Variants in FBXL14 observed in about 807,000 individuals in gnomAD.
The protein encoded by FBXL14 is F-box/LRR-repeat protein 14.
Under a neutral mutation model 24.5 loss-of-function variants are expected in FBXL14, and 11 were observed. That is an observed-to-expected ratio of 0.45 (90% CI 0.28 to 0.74). FBXL14 has a LOEUF of 0.74. Among genes scored for constraint, FBXL14 ranks in the 30% least tolerant of loss-of-function variants. FBXL14 has a pLI of 0.12. For synonymous variants in FBXL14, 294 were observed against 240.4 expected, an observed-to-expected ratio of 1.22 and a Z score of -2.06; for missense variants, 384 against 545.6, an observed-to-expected ratio of 0.70 and a Z score of 2.95.
At chr12:1,581,620 C>T (rs1656128396) in intron 1 of FBXL14, among the ~76,000 whole-genome samples, 1 of 152,190 alleles carries the variant, frequency 6.6e-6, no homozygotes, top group African/African-American at 2.4e-5. Flanking sequence ...ATGAAAACAA[C>T]GTTGGTCCTG....
intron 1 of FBXL14, among the ~76,000 whole-genome samples, chr12:1,576,899 ATTAG>A (rs897933828): frequency 2.0e-5 from 3 of 152,214 alleles, no homozygotes; most frequent in African/African-American, 4.8e-5. Context: ...CATTTTAACT[ATTAG>A]TTAGTAATTA....
At position 1,567,602 on chromosome 12, in the gene FBXL14, C is replaced by T. The variant is rs1340622360; in HGVS notation, c.1195-792G>A. Among the ~76,000 whole-genome samples, 1 of 152,082 alleles carries T rather than the reference C, an allele frequency of 6.6e-6. No individual in the cohort carries two copies. The highest frequency in any genetic ancestry group is 1.5e-5 in the Non-Finnish European group (1 of 68,034). On this transcript the variant is annotated intron_variant, in intron 1 of 1. Transcript: ENST00000339235. The surrounding 1 kb of genome is among the most constrained non-coding windows in gnomAD (Gnocchi z 4.8). ...CAGCAGGGATGCTGGAATTACCAGG[C>T]GGGAAATTGAAAGCAGCTCTGATTA...
chr12:1,587,765 G>C (rs918479723), intron 1 of FBXL14, among the ~76,000 whole-genome samples: 2 of 152,126 alleles, frequency 1.3e-5, no homozygotes, highest in African/African-American at 2.4e-5. Context: ...AGTTAACCAA[G>C]TGCATTGACA....
At position 1,579,471 on chromosome 12, in the gene FBXL14, C is replaced by G. The variant is rs2094462073; in HGVS notation, c.1195-12661G>C. The stretch of plus-strand genomic sequence containing the variant: ...GTCTCTACTAAAACACAAAAATTAG[C>G]CGGGCATGATGGCGCACACCTGTAA... On this transcript the variant is annotated intron_variant, in intron 1 of 1. Coordinates refer to ENST00000339235, the MANE Select transcript of FBXL14 (RefSeq NM_152441.3). This position sits in a 1 kb window ranked among gnomAD's most constrained non-coding sequence, Gnocchi z 4.3. 6.6e-6 allele frequency among the ~76,000 whole-genome samples: 1 copy of G among 151,936 alleles called. No homozygotes were observed. Among genetic ancestry groups the G allele is most frequent in the African/African-American group, 2.4e-5 (1 of 41,326 alleles).
intron 1 of FBXL14, among the ~76,000 whole-genome samples, chr12:1,587,889 C>T (rs906210621): frequency 2.0e-5 from 3 of 152,198 alleles, no homozygotes; most frequent in African/African-American, 7.2e-5. Flanking sequence ...AGCCTCACCC[C>T]TCTGACTCCT....
intron 1 of FBXL14, among the ~76,000 whole-genome samples, chr12:1,592,121 A>C (rs1169856244): frequency 6.6e-6 from 1 of 151,022 alleles, no homozygotes; most frequent in Non-Finnish European, 1.5e-5. Context: ...GTCTCAAAAT[A>C]TCTCTCTTGT....
chr12:1,577,778 A>G (rs1408606143), intron 1 of FBXL14, among the ~76,000 whole-genome samples: 1 of 152,272 alleles, frequency 6.6e-6, no homozygotes, highest in Non-Finnish European at 1.5e-5. Flanking sequence ...ACAGGTAAGT[A>G]TGCCCCAAAA....
chr12:1,574,868 G>C (rs1212943282), intron 1 of FBXL14: 1 of 151,440 alleles, frequency 6.6e-6, no homozygotes, highest in East Asian at 1.9e-4. Flanking sequence ...CTATTGGAAA[G>C]GATTTGGTAC....
rs2094436055 is a variant in FBXL14 at position 1,566,247 on chromosome 12, C to T, written c.*501G>A. 1 of 152,472 alleles carries T rather than the reference C, an allele frequency of 6.6e-6. No individual in the cohort carries two copies. Among genetic ancestry groups the T allele is most frequent in the Admixed American group, 6.6e-5 (1 of 15,260 alleles). 9.4% of individuals were successfully genotyped at this position (152,472 alleles called of 1,614,324 possible). On this transcript the variant is annotated 3_prime_UTR_variant, in exon 2 of 2. Coordinates refer to ENST00000339235, the MANE Select transcript of FBXL14 (RefSeq NM_152441.3). The stretch of plus-strand genomic sequence containing the variant: ...TAGGCAGGTCATCCAGATGTATTTT[C>T]TTTGGGGAGTTGTGAATTCCTTGTG...
chr12:1,577,252 T>C (rs2094457697), intron 1 of FBXL14, among the ~76,000 whole-genome samples: 1 of 152,212 alleles, frequency 6.6e-6, no homozygotes, highest in African/African-American at 2.4e-5. Flanking sequence ...AAGAGTCTCC[T>C]AGCCGCGCTG....
intron 1 of FBXL14, among the ~76,000 whole-genome samples, chr12:1,582,963 T>C (rs2094469563): frequency 6.6e-6 from 1 of 152,190 alleles, no homozygotes; most frequent in African/African-American, 2.4e-5. Flanking sequence ...TAAGTTCTGC[T>C]ACCTTGTCCT....
chr12:1,583,988 T>G (rs541670481), intron 1 of FBXL14, among the ~76,000 whole-genome samples: 3 of 152,128 alleles, frequency 2.0e-5, no homozygotes, highest in Non-Finnish European at 4.4e-5. Context: ...CAATAACAGT[T>G]TTCCAGCCCT....
intron 1 of FBXL14, among the ~76,000 whole-genome samples, chr12:1,581,530 C>T (rs1318239390): frequency 6.6e-6 from 1 of 152,180 alleles, no homozygotes; most frequent in East Asian, 1.9e-4. Context: ...AATGTCGGAG[C>T]CGGCCTGTCC....
At position 1,566,288 on chromosome 12, in the gene FBXL14, A is replaced by G. The variant is rs977437456; in HGVS notation, c.*460T>C. On this transcript the variant is annotated 3_prime_UTR_variant, in exon 2 of 2. Transcript: ENST00000339235. Reference sequence around the variant, plus strand: ...ATTCCTTGTGTGTCCAGCTATCACTATGTAATGATATTTTACGTTCTCAGT... The same window carrying G: ...ATTCCTTGTGTGTCCAGCTATCACTGTGTAATGATATTTTACGTTCTCAGT... 1.3e-5 allele frequency: 2 copies of G among 152,520 alleles called. No individual in the cohort carries two copies. Among genetic ancestry groups the G allele is most frequent in the African/African-American group, 2.4e-5 (1 of 41,452 alleles). The allele number at this position is 152,520 out of a possible 1,614,324, so 9.4% of individuals were successfully genotyped here. A position where few individuals can be genotyped will look rare whatever the true frequency, so the allele number is the denominator to read the frequency against.
intron 1 of FBXL14, among the ~76,000 whole-genome samples, chr12:1,577,854 T>C (rs144391683): frequency 6.6e-6 from 1 of 152,180 alleles, no homozygotes; most frequent in Non-Finnish European, 1.5e-5. Context: ...GCTAAACATA[T>C]TTGAGTAGGA....
At chr12:1,580,266 C>T (rs1329801300) in intron 1 of FBXL14, among the ~76,000 whole-genome samples, 2 of 152,204 alleles carry the variant, frequency 1.3e-5, no homozygotes, top group African/African-American at 4.8e-5. Context: ...CCTCTGAATA[C>T]AGACCAGAGG....
chr12:1,590,052 C>T (rs2094485988), intron 1 of FBXL14, among the ~76,000 whole-genome samples: 1 of 152,176 alleles, frequency 6.6e-6, no homozygotes, highest in African/African-American at 2.4e-5. Context: ...ACTAAGAACC[C>T]ACTGCCGTGT....
At chr12:1,589,452 A>G (rs1263697769) in intron 1 of FBXL14, among the ~76,000 whole-genome samples, 21 of 138,536 alleles carry the variant, frequency 1.5e-4, no homozygotes, top group African/African-American at 6.3e-4. Flanking sequence ...AAAAAAAAAA[A>G]AAAGACAGGA....
chr12:1,589,768 C>T (rs896370905), intron 1 of FBXL14, among the ~76,000 whole-genome samples: 2 of 152,190 alleles, frequency 1.3e-5, no homozygotes, highest in South Asian at 2.1e-4. Flanking sequence ...AGAGAAGCTC[C>T]GGCTATATAC....
Sources: gnomAD v4.1 joint callset for allele counts (sites outside exome capture counted in the v4.1 genomes callset) on GRCh38, gnomAD v4.1.1 for gene constraint, Gnocchi (gnomAD v3.1) non-coding constraint, MANE v1.5 for transcripts, NCBI Gene and HGNC (gene_info 2026-07-23, HGNC 2026-07-21) for gene names.